The following NKAIN3 variants were observed in gnomAD, a reference collection of about 807,000 sequenced individuals.
NKAIN3 encodes sodium/potassium transporting ATPase interacting 3, also known as sodium/potassium-transporting ATPase subunit beta-1-interacting protein 3.
In NKAIN3, 25 loss-of-function variants were observed where a neutral mutation model predicts 30.2. That is an observed-to-expected ratio of 0.83 (90% CI 0.60 to 1.16). The LOEUF is 1.16. Ranked by LOEUF, NKAIN3 falls within the 50% of genes most tolerant of loss-of-function variation. NKAIN3 has a pLI of 0.00. For missense variants in NKAIN3, 225 were observed against 254.1 expected (o/e 0.89, Z 0.78); for synonymous variants, 91 against 89.6 (o/e 1.02, Z -0.09).
At chr8:62,516,144 G>T (rs1343431462) in intron 1 of NKAIN3, among the ~76,000 whole-genome samples, 1 of 152,108 alleles carries the variant, frequency 6.6e-6, no homozygotes, top group East Asian at 1.9e-4. Flanking sequence ...TGTATGGTTT[G>T]TGTATTTAGC....
chr8:62,340,465 G>C (rs1267512996), intron 1 of NKAIN3, among the ~76,000 whole-genome samples: 4 of 151,938 alleles, frequency 2.6e-5, no homozygotes, highest in African/African-American at 9.7e-5. Context: ...TGCTTTGTGG[G>C]TGAAATAGGA....
At chr8:62,468,450 G>GT (rs1806227675) in intron 1 of NKAIN3, among the ~76,000 whole-genome samples, 1 of 152,124 alleles carries the variant, frequency 6.6e-6, no homozygotes, top group African/African-American at 2.4e-5. Context: ...TTGAGGCCAG[G>GT]TAAGAGCTCA....
chr8:62,835,409 A>G (rs1192025103), intron 4 of NKAIN3, among the ~76,000 whole-genome samples: 1 of 152,080 alleles, frequency 6.6e-6, no homozygotes, highest in Admixed American at 6.6e-5. Flanking sequence ...AGAAAATATT[A>G]GCAAACTATG....
In NKAIN3 at chr8:62,770,134, A is replaced by G. The variant is rs183644845; in HGVS notation, c.471+23005A>G. Among the ~76,000 whole-genome samples, 383 of 152,326 alleles carry G rather than the reference A, an allele frequency of 2.5e-3. 2 individuals are homozygous for G. Among genetic ancestry groups the G allele is most frequent in the African/African-American group, 8.4e-3 (349 of 41,586 alleles). On this transcript the variant is annotated intron_variant, in intron 4 of 6. Transcript: ENST00000623646. ...TTTTACATTACACAAGACTAGGAGG[A>G]GCCTGCACATCTAGCAGAAGAGAAA...
At chr8:62,385,604 A>G (rs1191970836) in intron 1 of NKAIN3, among the ~76,000 whole-genome samples, 1 of 152,214 alleles carries the variant, frequency 6.6e-6, no homozygotes, top group Non-Finnish European at 1.5e-5. Flanking sequence ...CAAATGCATA[A>G]CATCATATAG....
At chr8:62,776,545 A>G (rs1161872508) in intron 4 of NKAIN3, among the ~76,000 whole-genome samples, 3 of 152,198 alleles carry the variant, frequency 2.0e-5, no homozygotes, top group African/African-American at 7.2e-5. Context: ...TGCATTAAAG[A>G]AAACCAAATA....
chr8:62,591,902 G>A (rs1385414307), intron 3 of NKAIN3, among the ~76,000 whole-genome samples: 1 of 151,888 alleles, frequency 6.6e-6, no homozygotes, highest in Non-Finnish European at 1.5e-5. Context: ...ACTTTTCCAG[G>A]TTCGTTCCAT....
intron 3 of NKAIN3, among the ~76,000 whole-genome samples, chr8:62,736,470 C>A (rs1586144794): frequency 6.6e-6 from 1 of 152,152 alleles, no homozygotes. Flanking sequence ...CAAAAGCCAG[C>A]AGTGACAGGC....
At chr8:62,290,586 A>G (rs1016664328) in intron 1 of NKAIN3, among the ~76,000 whole-genome samples, 1 of 152,196 alleles carries the variant, frequency 6.6e-6, no homozygotes, top group Non-Finnish European at 1.5e-5. Flanking sequence ...CCCAGGGATG[A>G]GACCAACTTG....
chr8:62,632,634 C>G (rs1046382976), intron 3 of NKAIN3, among the ~76,000 whole-genome samples: 1 of 152,040 alleles, frequency 6.6e-6, no homozygotes, highest in Non-Finnish European at 1.5e-5. Flanking sequence ...TCCCGAGTAG[C>G]TGGGATTACA....
chr8:62,640,337 G>T (rs1241329982), intron 3 of NKAIN3, among the ~76,000 whole-genome samples: 1 of 152,012 alleles, frequency 6.6e-6, no homozygotes, highest in Admixed American at 6.6e-5. Flanking sequence ...TTTATAAGGG[G>T]CTCTTCCCCC....
At chr8:62,717,868 T>G (rs148217961) in intron 3 of NKAIN3, among the ~76,000 whole-genome samples, 5 of 152,278 alleles carry the variant, frequency 3.3e-5, no homozygotes, top group African/African-American at 1.2e-4. Flanking sequence ...TCCTTAACCA[T>G]AGGTAAATCA....
intron 3 of NKAIN3, among the ~76,000 whole-genome samples, chr8:62,613,470 G>A (rs1004974092): frequency 9.9e-5 from 15 of 151,982 alleles, no homozygotes; most frequent in Non-Finnish European, 1.6e-4. Flanking sequence ...TTGATCTTTG[G>A]GAGTTTGATT....
downstream of NKAIN3, among the ~76,000 whole-genome samples, chr8:62,988,565 G>A (rs570181622): frequency 1.4e-4 from 21 of 152,366 alleles, no homozygotes; most frequent in African/African-American, 4.8e-4. Context: ...CACAGCCTGA[G>A]CTGTACCTTG....
chr8:62,387,707 G>A (rs1396432936), intron 1 of NKAIN3, among the ~76,000 whole-genome samples: 3 of 152,116 alleles, frequency 2.0e-5, no homozygotes, highest in Non-Finnish European at 2.9e-5. Context: ...CTAGAGCTTT[G>A]AGAAAGTCAC....
intron 2 of NKAIN3, among the ~76,000 whole-genome samples, chr8:62,586,849 T>C (rs1810491427): frequency 6.6e-6 from 1 of 152,002 alleles, no homozygotes; most frequent in Non-Finnish European, 1.5e-5. Context: ...ATTTAAAATA[T>C]ATATACTAAA....
At chr8:62,904,742 G>A (rs942958519) in intron 4 of NKAIN3, among the ~76,000 whole-genome samples, 1 of 152,216 alleles carries the variant, frequency 6.6e-6, no homozygotes, top group Non-Finnish European at 1.5e-5. Flanking sequence ...AGCATTTGAT[G>A]AAACATTCTT....
At chr8:62,543,913 T>G (rs529878885) in intron 1 of NKAIN3, among the ~76,000 whole-genome samples, 40 of 152,280 alleles carry the variant, frequency 2.6e-4, no homozygotes, top group Non-Finnish European at 4.1e-4. Flanking sequence ...TACAGAAAAT[T>G]TTTAACTGGA....
rs1163193985 is a variant in NKAIN3, at chr8:62,970,386, T to C, written c.*4979T>C. Among the ~76,000 whole-genome samples, 1 of 152,138 alleles carries C rather than the reference T, an allele frequency of 6.6e-6. No individual in the cohort carries two copies. ...TCTTATTGAAGACTAAAAAGAAAAA[T>C]GCCACTTCTTGAAGGTGGATACAGC... On this transcript the variant is annotated 3_prime_UTR_variant, in exon 7 of 7. Coordinates refer to ENST00000623646, the MANE Select transcript of NKAIN3 (RefSeq NM_001304533.3).
Sources: allele counts gnomAD v4.1 joint callset (sites outside exome capture counted in the v4.1 genomes callset), GRCh38; gene constraint gnomAD v4.1.1; transcripts MANE v1.5; gene names NCBI Gene and HGNC (gene_info 2026-07-23, HGNC 2026-07-21).